The following WWC1 variants were observed in gnomAD, a reference collection of about 807,000 sequenced individuals.
WWC1 encodes protein KIBRA.
WWC1 carries 55 observed loss-of-function variants against 138.4 expected under a neutral mutation model. The observed-to-expected ratio is 0.40, with a 90% CI of 0.32 to 0.50. WWC1 has a LOEUF of 0.50. Ranked by LOEUF, WWC1 falls within the 20% of genes least tolerant of loss-of-function variation. The pLI, the probability that WWC1 is intolerant of heterozygous loss-of-function variation, is 0.72. For missense variants in WWC1, 1,226 were observed against 1,420.4 expected, an observed-to-expected ratio of 0.86 and a Z score of 2.20; for synonymous variants, 524 against 564.9, an observed-to-expected ratio of 0.93 and a Z score of 1.03.
At chr5:168,311,426 C>A (rs766258890) in intron 1 of WWC1, among the ~76,000 whole-genome samples, 1 of 152,210 alleles carries the variant, frequency 6.6e-6, no homozygotes, top group East Asian at 1.9e-4. Flanking sequence ...CTCCCCACAC[C>A]TCCCTCTATA....
intron 1 of WWC1, among the ~76,000 whole-genome samples, chr5:168,324,445 A>C (rs1772367930): frequency 6.6e-6 from 1 of 152,208 alleles, no homozygotes; most frequent in Non-Finnish European, 1.5e-5. Context: ...AAAAAAAATA[A>C]ATAAATTTTT....
rs1367580759 is a variant in WWC1, at chr5:168,470,459, G to A, written c.*1442G>A. 1.3e-5 allele frequency: 2 copies of A among 151,750 alleles called. No individual in the cohort carries two copies. The highest frequency in any genetic ancestry group is 3.9e-4 in the East Asian group (2 of 5,180). The allele number at this position is 151,750 out of a possible 1,614,324, so 9.4% of individuals were successfully genotyped here. ...GAATGACCTGAACCTGGGAGGCAGA[G>A]CTTGCAGTGAGCTGAGATTGTGCCA... On this transcript the variant is annotated 3_prime_UTR_variant, in exon 23 of 23. Transcript: ENST00000265293.
chr5:168,468,051 C>G, intron 22 of WWC1, 87 bp downstream of exon 22: 1 of 1,565,878 alleles, frequency 6.4e-7, no homozygotes, highest in Non-Finnish European at 8.7e-7. Context: ...CTGCTCTCAT[C>G]CCTTGCTCAC....
At chr5:168,406,147 C>T in intron 5 of WWC1, 51 bp from the exon 6 acceptor site, 1 of 1,603,038 alleles carries the variant, frequency 6.2e-7, no homozygotes, top group East Asian at 2.2e-5. Context: ...CTGGGGAGAC[C>T]CTGTCCCTCA....
chr5:168,355,978 G>A (rs1323979028), intron 1 of WWC1, among the ~76,000 whole-genome samples: 1 of 152,098 alleles, frequency 6.6e-6, no homozygotes, highest in Non-Finnish European at 1.5e-5. Flanking sequence ...TCTCTTGGGG[G>A]GGCTGTGATG....
chr5:168,366,454 T>C (rs547156545), intron 1 of WWC1, among the ~76,000 whole-genome samples: 14 of 152,170 alleles, frequency 9.2e-5, no homozygotes, highest in African/African-American at 1.2e-4. Flanking sequence ...GGAATGAGAA[T>C]ATCAAACCCA....
intron 1 of WWC1, among the ~76,000 whole-genome samples, chr5:168,299,230 G>A (rs1196509401): frequency 2.0e-5 from 3 of 152,166 alleles, no homozygotes; most frequent in African/African-American, 7.2e-5. Flanking sequence ...TCCATCTCAG[G>A]GCCCCAGAGT....
chr5:168,444,228 T>A (rs1435282482), intron 16 of WWC1, among the ~76,000 whole-genome samples: 1 of 152,246 alleles, frequency 6.6e-6, no homozygotes, highest in African/African-American at 2.4e-5. Flanking sequence ...TCTCTCTCAC[T>A]TCACTGCTAA....
At chr5:168,462,801 C>G (rs1705501846) in intron 20 of WWC1, among the ~76,000 whole-genome samples, 1 of 152,242 alleles carries the variant, frequency 6.6e-6, no homozygotes, top group Non-Finnish European at 1.5e-5. Context: ...CACGCACTAC[C>G]TGAGCTGTGT....
At chr5:168,358,153 G>GGGT (rs1465075355) in intron 1 of WWC1, among the ~76,000 whole-genome samples, 5 of 152,204 alleles carry the variant, frequency 3.3e-5, no homozygotes, top group Non-Finnish European at 7.3e-5. Context: ...CTATCTGGGT[G>GGGT]GGTGACCTGG....
At chr5:168,418,811 T>C (rs1192696103) in intron 9 of WWC1, among the ~76,000 whole-genome samples, 2 of 152,104 alleles carry the variant, frequency 1.3e-5, no homozygotes, top group Non-Finnish European at 2.9e-5. Context: ...TTTCCTTTTA[T>C]ACTGGGTCAA....
At chr5:168,410,137 A>G (rs1408649401) in intron 8 of WWC1, 142 bp downstream of exon 8, 1 of 837,334 alleles carries the variant, frequency 1.2e-6, no homozygotes. Context: ...TATACTTTTT[A>G]TATTTTCATC....
chr5:168,408,687 C>T (rs1240885839), intron 7 of WWC1, 34 bp downstream of exon 7: 2 of 1,610,670 alleles, frequency 1.2e-6, no homozygotes, highest in African/African-American at 2.7e-5. Flanking sequence ...GGGGGCCTTC[C>T]ACAGGATGGC....
intron 3 of WWC1, among the ~76,000 whole-genome samples, chr5:168,394,561 A>G (rs1254640481): frequency 6.6e-6 from 1 of 152,138 alleles, no homozygotes; most frequent in African/African-American, 2.4e-5. Flanking sequence ...CTCCATCTCT[A>G]CTAAAAATAC....
chr5:168,306,136 G>A (rs1199450471), intron 1 of WWC1, among the ~76,000 whole-genome samples: 3 of 152,154 alleles, frequency 2.0e-5, no homozygotes, highest in East Asian at 3.9e-4. Flanking sequence ...AGTGGCTCAC[G>A]CCTGTAATCC....
intron 1 of WWC1, among the ~76,000 whole-genome samples, chr5:168,310,678 A>G (rs1479456703): frequency 1.3e-5 from 2 of 152,004 alleles, no homozygotes; most frequent in Non-Finnish European, 2.9e-5. Flanking sequence ...TGCACAAAAA[A>G]TAAAAGAATT....
chr5:168,466,098 A>G (rs937935311), intron 21 of WWC1, among the ~76,000 whole-genome samples: 2 of 152,148 alleles, frequency 1.3e-5, no homozygotes, highest in Non-Finnish European at 2.9e-5. Flanking sequence ...TTATCTATCT[A>G]TGGCTAACAA....
chr5:168,409,075 A>G (rs948928457), intron 7 of WWC1, among the ~76,000 whole-genome samples: 2 of 152,090 alleles, frequency 1.3e-5, no homozygotes, highest in African/African-American at 4.8e-5. Flanking sequence ...TGCAGCTTTC[A>G]GGCAGCTGCT....
Position 168,351,348 on chromosome 5 carries a change from C to A in WWC1, c.120-20076C>A, listed in dbSNP as rs79841672. Among the ~76,000 whole-genome samples the A allele has an allele frequency of 3.4e-3, 512 of 152,194 alleles. 2 individuals are homozygous for A. Among genetic ancestry groups the A allele is most frequent in the Non-Finnish European group, 5.5e-3 (372 of 67,992 alleles). ...GGAATAGCATTTTCCCTGAGAGATCCAATGTTTTTTCCTGCCTTGCAAGTG... is the reference window on the plus strand; with the variant it reads ...GGAATAGCATTTTCCCTGAGAGATCAAATGTTTTTTCCTGCCTTGCAAGTG... On this transcript the variant is annotated intron_variant, in intron 1 of 22. Coordinates refer to ENST00000265293, the MANE Select transcript of WWC1 (RefSeq NM_015238.3).
Sources: gnomAD v4.1 joint callset for allele counts (sites outside exome capture counted in the v4.1 genomes callset) on GRCh38, gnomAD v4.1.1 for gene constraint, MANE v1.5 for transcripts, NCBI Gene and HGNC (gene_info 2026-07-23, HGNC 2026-07-21) for gene names.